The following NDUFA11 variants were observed in gnomAD, a reference collection of about 807,000 sequenced individuals.
NDUFA11 encodes NADH:ubiquinone oxidoreductase subunit A11.
Under a neutral mutation model 11.3 loss-of-function variants are expected in NDUFA11, and 14 were observed. That is an observed-to-expected ratio of 1.24 (90% CI 0.82 to 1.94). The LOEUF is 1.94. Ranked by LOEUF, NDUFA11 falls within the 30% of genes most tolerant of loss-of-function variation. NDUFA11 has a pLI of 0.00. For synonymous variants in NDUFA11, 87 were observed against 85.6 expected, an observed-to-expected ratio of 1.02 and a Z score of -0.09; for missense variants, 204 against 200.3, an observed-to-expected ratio of 1.02 and a Z score of -0.11.
intron 1 of NDUFA11, among the ~76,000 whole-genome samples, chr19:5,902,890 A>T (rs2057654690): frequency 6.6e-6 from 1 of 152,052 alleles, no homozygotes; most frequent in Non-Finnish European, 1.5e-5. Context: ...GTGAGCCCGT[A>T]ATCCCAGCTA....
Position 5,896,554 on chromosome 19 carries a change from C to G in NDUFA11, c.212G>C (p.Gly71Ala). 1.8e-5 allele frequency: 28 copies of G among 1,566,858 alleles called. No homozygotes were observed. Among genetic ancestry groups the G allele is most frequent in the Non-Finnish European group, 2.4e-5 (28 of 1,156,512 alleles). Residue 71 changes from glycine (G) to alanine (A), a missense_variant, in exon 3 of 4, where the codon GGC becomes GCC. By Grantham distance (60) the Gly-to-Ala change is moderately conservative. Transcript: ENST00000308961. The surrounding 1 kb of genome is among the most constrained non-coding windows in gnomAD (Gnocchi z 5.8). ...ATGGGCGCTGATGCAGGTGGTGAGG[C>G]CAAACACGGCCCCGACAGCAGCTGC... ...FTAAAVGAVF[G>A]LTTCISAHVR...
chr19:5,900,865 C>T (rs1368273694), intron 1 of NDUFA11, among the ~76,000 whole-genome samples: 3 of 148,846 alleles, frequency 2.0e-5, no homozygotes, highest in Non-Finnish European at 3.0e-5. Context: ...AAGCCAAGAT[C>T]GCACCACTGC....
At chr19:5,893,782 G>T (rs768764118), downstream of NDUFA11, among the ~76,000 whole-genome samples, 2 of 152,154 alleles carry the variant, frequency 1.3e-5, no homozygotes, top group African/African-American at 4.8e-5. The surrounding 1 kb of genome is among the most constrained non-coding windows in gnomAD (Gnocchi z 4.1). Context: ...TCTAGGCCCC[G>T]CGGATGGGCT....
At chr19:5,895,110 TC>T in intron 3 of NDUFA11, 1 of 508,576 alleles carries the variant, frequency 2.0e-6, no homozygotes, top group Non-Finnish European at 3.6e-6. Context: ...CACACTGACT[TC>T]CCCCTGCGAG....
At chr19:5,898,232 C>A (rs1464159938) in intron 1 of NDUFA11, among the ~76,000 whole-genome samples, 1 of 152,216 alleles carries the variant, frequency 6.6e-6, no homozygotes, top group African/African-American at 2.4e-5. Flanking sequence ...CCCACCACGA[C>A]TGCCCCAGGG....
Position 5,894,730 on chromosome 19 carries a change from C to G in NDUFA11, c.*12G>C, listed in dbSNP as rs1206996306. On this transcript the variant is annotated 3_prime_UTR_variant, in exon 4 of 4. Coordinates refer to ENST00000308961, the MANE Select transcript of NDUFA11 (RefSeq NM_175614.5). ...GCATTCTGCAGGCTGGAGGTCCCGG[C>G]AGGCACAGGGCTCACACCTTGGGTT... 3.1e-5 allele frequency: 50 copies of G among 1,611,608 alleles called. No individual in the cohort carries two copies. The highest frequency in any genetic ancestry group is 4.2e-5 in the Non-Finnish European group (49 of 1,179,026).
At chr19:5,892,770 G>T, downstream of NDUFA11, 3 of 1,094,872 alleles carry the variant, frequency 2.7e-6, no homozygotes, top group Non-Finnish European at 3.7e-6. Flanking sequence ...GAGTGGATGC[G>T]ATGCCCGTGA....
At chr19:5,892,754 G>A, downstream of NDUFA11, 4 of 928,330 alleles carry the variant, frequency 4.3e-6, no homozygotes, top group South Asian at 8.7e-5. Context: ...AGAGGCCGGT[G>A]CCCTCGAGTG....
At chr19:5,898,599 C>A (rs1178187279) in intron 1 of NDUFA11, among the ~76,000 whole-genome samples, 1 of 152,176 alleles carries the variant, frequency 6.6e-6, no homozygotes, top group Non-Finnish European at 1.5e-5. Context: ...GAGGACCAGG[C>A]GCAGTGGCTC....
intron 3 of NDUFA11, 46 bp from the exon 4 acceptor site, chr19:5,894,900 G>A: frequency 2.6e-6 from 4 of 1,542,736 alleles, no homozygotes; most frequent in African/African-American, 1.4e-5. Context: ...GGGCTCGGCC[G>A]GACCAAGACG....
chr19:5,892,617 G>A (rs1351669969), downstream of NDUFA11: 2 of 294,010 alleles, frequency 6.8e-6, no homozygotes, highest in East Asian at 1.1e-4. Flanking sequence ...GGAGTGCGGA[G>A]GAAGGGATGG....
intron 1 of NDUFA11, 84 bp downstream of exon 1, chr19:5,903,528 C>T: frequency 7.5e-7 from 1 of 1,325,310 alleles, no homozygotes; most frequent in Non-Finnish European, 1.0e-6. Flanking sequence ...ACTCCCAGAC[C>T]CGTTCGATCC....
intron 3 of NDUFA11, chr19:5,895,116 T>G: frequency 2.0e-6 from 1 of 501,878 alleles, no homozygotes; most frequent in South Asian, 2.3e-5. Context: ...GACTTCCCCC[T>G]GCGAGGACAC....
At chr19:5,892,990 G>C (rs575960075), downstream of NDUFA11, 180 of 1,523,698 alleles carry the variant, frequency 1.2e-4, 1 homozygote, top group Non-Finnish European at 1.5e-4. Context: ...CAGGGCCCCT[G>C]CCCCTCTGGG....
At chr19:5,901,459 A>G (rs547885059) in intron 1 of NDUFA11, 1 of 1,286,272 alleles carries the variant, frequency 7.8e-7, no homozygotes, top group South Asian at 1.2e-5. Flanking sequence ...CCCTACCTGT[A>G]AGAAATGGAG....
chr19:5,894,235 C>T (rs1015312610), downstream of NDUFA11, among the ~76,000 whole-genome samples: 13 of 152,226 alleles, frequency 8.5e-5, no homozygotes, highest in Non-Finnish European at 1.5e-4. Flanking sequence ...CTCTCCGCTC[C>T]AGTGCCCAGG....
At chr19:5,897,399 G>A (rs1204315329) in intron 1 of NDUFA11, among the ~76,000 whole-genome samples, 1 of 152,164 alleles carries the variant, frequency 6.6e-6, no homozygotes, top group Non-Finnish European at 1.5e-5. Flanking sequence ...CACACCGCCA[G>A]CTCAGCGGCG....
downstream of NDUFA11, chr19:5,893,051 C>T: frequency 6.5e-7 from 1 of 1,535,876 alleles, no homozygotes; most frequent in Non-Finnish European, 8.7e-7. The surrounding 1 kb of genome is among the most constrained non-coding windows in gnomAD (Gnocchi z 4.1). Context: ...GCCCGGGCAC[C>T]CAGCTCCGGA....
intron 1 of NDUFA11, among the ~76,000 whole-genome samples, chr19:5,897,967 C>CG (rs1319745621): frequency 6.6e-6 from 1 of 152,216 alleles, no homozygotes; most frequent in Non-Finnish European, 1.5e-5. Flanking sequence ...CAAGCACCCC[C>CG]CTCTCCCTAC....
Sources: gnomAD v4.1 joint callset for allele counts (sites outside exome capture counted in the v4.1 genomes callset) on GRCh38, gnomAD v4.1.1 for gene constraint, Gnocchi (gnomAD v3.1) non-coding constraint, MANE v1.5 for transcripts, NCBI Gene and HGNC (gene_info 2026-07-23, HGNC 2026-07-21) for gene names.